The following CTBS variants were observed in gnomAD, a reference collection of about 807,000 sequenced individuals.
CTBS encodes di-N-acetylchitobiase.
CTBS carries 35 observed loss-of-function variants against 44.3 expected under a neutral mutation model. The observed-to-expected ratio is 0.79, with a 90% CI of 0.60 to 1.05. The LOEUF is 1.05. CTBS is among the 50% of genes least tolerant of loss of function. CTBS has a pLI of 0.00. For synonymous variants in CTBS, 143 were observed against 168.0 expected, an observed-to-expected ratio of 0.85 and a Z score of 1.15; for missense variants, 458 against 475.3, an observed-to-expected ratio of 0.96 and a Z score of 0.34.
chr1:84,552,894 T>G lies in CTBS; in HGVS notation c.*2105A>C. ...ATAATCTACACATTTACTGTAGTAATCCAGTGGGAGTTGAAAGCACTGAAG... is the reference window on the plus strand; with the variant it reads ...ATAATCTACACATTTACTGTAGTAAGCCAGTGGGAGTTGAAAGCACTGAAG... On this transcript the variant is annotated 3_prime_UTR_variant, in exon 7 of 7. Transcript: ENST00000370630. The G allele has an allele frequency of 1.7e-6, 1 of 603,276 alleles. No homozygotes were observed. The highest frequency in any genetic ancestry group is 2.9e-6 in the Non-Finnish European group (1 of 340,618). The allele number at this position is 603,276 out of a possible 1,614,324, so 37.4% of individuals were successfully genotyped here.
At chr1:84,569,401 A>ATCTGTTG in intron 3 of CTBS, among the ~76,000 whole-genome samples, 1 of 152,292 alleles carries the variant, frequency 6.6e-6, no homozygotes, top group South Asian at 2.1e-4. Context: ...TCTGTTACCC[A>ATCTGTTG]TCTGTTGTCT....
In CTBS at chr1:84,550,101, A is replaced by T. The variant is rs931437464; in HGVS notation, c.*4898T>A. On this transcript the variant is annotated 3_prime_UTR_variant, in exon 7 of 7. Transcript: ENST00000370630. ...ATAGTATCATATTATTAAGTATTTT[A>T]AAATAATTCTAATCTTATTCAGCTG... The T allele has an allele frequency of 6.4e-6, 1 of 157,366 alleles. No homozygotes were observed. The highest frequency in any genetic ancestry group is 1.4e-5 in the Non-Finnish European group (1 of 71,614). The allele number at this position is 157,366 out of a possible 1,614,324, so 9.7% of individuals were successfully genotyped here.
At chr1:84,566,850 G>T (rs1309907485) in intron 3 of CTBS, among the ~76,000 whole-genome samples, 1 of 152,074 alleles carries the variant, frequency 6.6e-6, no homozygotes, top group African/African-American at 2.4e-5. Context: ...GCCCAGGCTG[G>T]TCTCAAACTC....
rs1228133442 is a variant in CTBS at position 84,551,399 on chromosome 1, T to C, written c.*3600A>G. On this transcript the variant is annotated 3_prime_UTR_variant, in exon 7 of 7. Transcript: ENST00000370630. Reference sequence around the variant, plus strand: ...TAAATAAAATTTAAAAATAAAAAAATAGAATTAGCACTGTCCAACAGAACT... The same window carrying C: ...TAAATAAAATTTAAAAATAAAAAAACAGAATTAGCACTGTCCAACAGAACT... 27 of 621,864 alleles carry C rather than the reference T, an allele frequency of 4.3e-5. No homozygotes were observed. Among genetic ancestry groups the C allele is most frequent in the Non-Finnish European group, 4.0e-6 (2 of 498,514 alleles). The allele number at this position is 621,864 out of a possible 1,614,324, so 38.5% of individuals were successfully genotyped here.
chr1:84,570,228 G>A, intron 2 of CTBS, 89 bp from the exon 3 acceptor site: 1 of 1,045,240 alleles, frequency 9.6e-7, no homozygotes, highest in Non-Finnish European at 1.4e-6. Context: ...GTTTTCCAAT[G>A]GAGAAAGAAT....
chr1:84,562,264 G>A (rs1403642351), intron 6 of CTBS, among the ~76,000 whole-genome samples: 1 of 152,182 alleles, frequency 6.6e-6, no homozygotes, highest in African/African-American at 2.4e-5. Context: ...ATCTGTGTGT[G>A]TAATATTAAC....
At position 84,555,065 on chromosome 1, in the gene CTBS, A is replaced by ATC; in HGVS notation, c.1090_1091dup (p.Asp364GlufsTer4). On this transcript the variant is annotated frameshift_variant, in exon 7 of 7. Coordinates refer to ENST00000370630, the MANE Select transcript of CTBS (RefSeq NM_004388.3). LOFTEE classifies it high-confidence loss of function. ...CTTCAGTTTGCTGTTTGGCTACAGCATCTCCAGAGTAGTCAAGACAGTTTG... is the reference window on the plus strand; with the variant it reads ...CTTCAGTTTGCTGTTTGGCTACAGCATCTCTCCAGAGTAGTCAAGACAGTTTG... The ATC allele has an allele frequency of 6.2e-7, 1 of 1,614,042 alleles. No homozygotes were observed. The highest frequency in any genetic ancestry group is 1.3e-5 in the African/African-American group (1 of 75,030).
At chr1:84,555,906 G>A (rs4907081) in intron 6 of CTBS, 8,234 of 152,300 alleles carry the variant, frequency 0.054, 311 homozygotes, top group Non-Finnish European at 0.077. Flanking sequence ...TGTATTCTCT[G>A]TAGTTGCTAG....
chr1:84,563,578 T>C (rs1388417196), intron 5 of CTBS, among the ~76,000 whole-genome samples, 157 bp downstream of exon 5: 1 of 152,134 alleles, frequency 6.6e-6, no homozygotes, highest in Non-Finnish European at 1.5e-5. Context: ...AATGAAAATG[T>C]ATGATAATCA....
At chr1:84,559,875 A>G (rs1221338012) in intron 6 of CTBS, among the ~76,000 whole-genome samples, 4 of 151,972 alleles carry the variant, frequency 2.6e-5, no homozygotes, top group Admixed American at 2.6e-4. Context: ...ACTTGAGGTC[A>G]GGAGTTTGAG....
At chr1:84,572,086 A>T (rs1647321402) in intron 1 of CTBS, among the ~76,000 whole-genome samples, 2 of 152,318 alleles carry the variant, frequency 1.3e-5, no homozygotes, top group South Asian at 4.1e-4. Flanking sequence ...TCTTGGGATC[A>T]GTGGGAATCA....
rs540959815 is a variant in CTBS, at chr1:84,550,434, T to G, written c.*4565A>C. ...TAAATATCTATCTATCCACACAGAA[T>G]TACCTAATAATCCAGATCACTGAGG... On this transcript the variant is annotated 3_prime_UTR_variant, in exon 7 of 7. Transcript: ENST00000370630. The G allele has an allele frequency of 1.3e-6, 2 of 1,513,108 alleles. No individual in the cohort carries two copies. The highest frequency in any genetic ancestry group is 1.8e-6 in the Non-Finnish European group (2 of 1,121,274). The allele number at this position is 1,513,108 out of a possible 1,614,324, so 93.7% of individuals were successfully genotyped here.
rs1684388173 is a variant in CTBS, at chr1:84,555,065, A to C, written c.1092T>G (p.Asp364Glu). The C allele has an allele frequency of 6.2e-7, 1 of 1,614,042 alleles. No individual in the cohort carries two copies. The highest frequency in any genetic ancestry group is 1.7e-5 in the Admixed American group (1 of 60,020). The part of the protein sequence containing the change: ...WNANCLDYSG[D>E]AVAKQQTEEM... ...CTTCAGTTTGCTGTTTGGCTACAGC[A>C]TCTCCAGAGTAGTCAAGACAGTTTG... Residue 364 changes from aspartate (D) to glutamate (E), a missense_variant, in exon 7 of 7, where the codon GAT becomes GAG. Transcript: ENST00000370630.
rs770371410 is a variant in CTBS at position 84,563,843 on chromosome 1, AG to A, written c.698-12del. The A allele has an allele frequency of 2.5e-6, 4 of 1,596,578 alleles. No individual in the cohort carries two copies. The highest frequency in any genetic ancestry group is 1.7e-5 in the Admixed American group (1 of 57,262). On this transcript the variant is annotated splice_polypyrimidine_tract_variant and intron_variant, in intron 4 of 6. Transcript: ENST00000370630. ...TGTAGTCATTATATCCTAGTCAAGC[AG>A]GAGAGAAAAAGCATATTTGTTTCTC...
Position 84,570,110 on chromosome 1 carries a change from G to A in CTBS, c.346C>T (p.Pro116Ser), listed in dbSNP as rs149292983. The A allele has an allele frequency of 1.4e-5, 23 of 1,613,068 alleles. No individual in the cohort carries two copies. The highest frequency in any genetic ancestry group is 1.6e-5 in the Non-Finnish European group (19 of 1,179,662). ...GDVSLKDIIDPAFRASWIAQK... is the reference protein window; with the variant it reads ...GDVSLKDIIDSAFRASWIAQK... The stretch of plus-strand genomic sequence containing the variant: ...GCTATCCAGGATGCTCTGAAAGCAG[G>A]ATCAATGATATCCTTTAAGGATACA... The change falls in exon 3 of 7, where the codon CCT (proline) becomes TCT (serine). Residue 116 changes from proline (P) to serine (S), a missense_variant. Transcript: ENST00000370630.
chr1:84,550,207 G>A lies in CTBS; in HGVS notation c.*4792C>T, dbSNP rs904180371. 16 of 300,078 alleles carry A rather than the reference G, an allele frequency of 5.3e-5. No individual in the cohort carries two copies. The highest frequency in any genetic ancestry group is 2.6e-4 in the East Asian group (5 of 19,196). 18.6% of individuals were successfully genotyped at this position (300,078 alleles called of 1,614,324 possible). A position where few individuals can be genotyped will look rare whatever the true frequency, so the allele number is the denominator to read the frequency against. ...CATAGTAATAGTTGTTGGTTTTTAC[G>A]ATGCTAATTTAATGGTAACTTTAGA... On this transcript the variant is annotated 3_prime_UTR_variant, in exon 7 of 7. Transcript: ENST00000370630.
In CTBS at chr1:84,555,187, G is replaced by T. The variant is rs1684392571; in HGVS notation, c.970C>A (p.His324Asn). Residue 324 changes from histidine (H) to asparagine (N), a missense_variant, in exon 7 of 7, where the codon CAC (histidine) becomes AAC (asparagine). Coordinates refer to ENST00000370630, the MANE Select transcript of CTBS (RefSeq NM_004388.3). ...PYYNYKDPAGHFHQVWYDNPQ... is the reference protein window; with the variant it reads ...PYYNYKDPAGNFHQVWYDNPQ... ...TTATCATACCATACTTGATGAAAGT[G>T]GCCAGCAGGATCCTATATAAATAAA... 1.2e-6 allele frequency: 2 copies of T among 1,612,326 alleles called. No homozygotes were observed. The highest frequency in any genetic ancestry group is 4.5e-5 in the East Asian group (2 of 44,866).
At chr1:84,563,640 A>C in intron 5 of CTBS, 95 bp downstream of exon 5, 1 of 775,030 alleles carries the variant, frequency 1.3e-6, no homozygotes, top group South Asian at 2.6e-5. Flanking sequence ...ACTATATTTC[A>C]GAGATTCTAA....
chr1:84,567,769 C>T (rs1280925941), intron 3 of CTBS, among the ~76,000 whole-genome samples: 5 of 152,172 alleles, frequency 3.3e-5, no homozygotes, highest in Admixed American at 1.3e-4. Context: ...AATCTAACCT[C>T]ACGTCTCCCT....
Sources: gnomAD v4.1 joint callset for allele counts (sites outside exome capture counted in the v4.1 genomes callset) on GRCh38, gnomAD v4.1.1 for gene constraint, MANE v1.5 for transcripts, NCBI Gene and HGNC (gene_info 2026-07-23, HGNC 2026-07-21) for gene names.